IL1RAP: variants seen among roughly 807,000 people sequenced by gnomAD.
IL1RAP encodes interleukin-1 receptor accessory protein.
IL1RAP carries 35 observed loss-of-function variants against 60.7 expected under a neutral mutation model. The observed-to-expected ratio is 0.58, with a 90% confidence interval of 0.44 to 0.76. The LOEUF (loss-of-function observed/expected upper bound fraction) is 0.76, where lower values mean the gene tolerates loss of function less well. Among genes scored for constraint, IL1RAP ranks in the 30% least tolerant of loss-of-function variants. The probability of loss-of-function intolerance (pLI) is 0.00; values close to 1 mark genes in which losing one functional copy is unlikely to be tolerated. For synonymous variants in IL1RAP, 268 were observed against 250.9 expected (o/e 1.07, Z -0.64); for missense variants, 572 against 693.9 (o/e 0.82, Z 1.97).
chr3:190,592,208 CAG>C (rs1454316414), intron 3 of IL1RAP, among the ~76,000 whole-genome samples: 1 of 152,164 alleles, frequency 6.6e-6, no homozygotes, highest in African/African-American at 2.4e-5. Flanking sequence ...TTAGTAGAGA[CAG>C]GGTTTCGCCA....
rs945330965 is a variant in IL1RAP at position 190,624,161 on chromosome 3, A to T, written c.775+746A>T. ...GAATTGCAGATAGCAATCCAGGAAT[A>T]TGAGTGCTATGGCATCCCATGCGGG... is the stretch of plus-strand genomic sequence containing the variant. On this transcript the variant is annotated intron_variant, in intron 7 of 11. Transcript: ENST00000447382. Among the ~76,000 whole-genome samples, 4 of 152,252 alleles carry T rather than the reference A, an allele frequency of 2.6e-5. No homozygotes were observed. In the East Asian group the frequency reaches 5.8e-4, roughly 22 times the overall value.
At chr3:190,564,405 A>G (rs1275053826) in intron 3 of IL1RAP, 52 bp downstream of exon 3, 1 of 1,123,468 alleles carries the variant, frequency 8.9e-7, no homozygotes. Flanking sequence ...TGCGTAGGGT[A>G]ATGAGTCCAC....
At chr3:190,559,153 T>G (rs1259995083) in intron 2 of IL1RAP, among the ~76,000 whole-genome samples, 1 of 152,226 alleles carries the variant, frequency 6.6e-6, no homozygotes, top group Non-Finnish European at 1.5e-5. Context: ...CCATTTTATC[T>G]AAGTTGTGGA....
At chr3:190,527,802 G>C (rs1293277023) in intron 1 of IL1RAP, among the ~76,000 whole-genome samples, 1 of 132,180 alleles carries the variant, frequency 7.6e-6, no homozygotes, top group Non-Finnish European at 1.6e-5. Flanking sequence ...GACACTATTT[G>C]ATAAATTATT....
In IL1RAP at chr3:190,612,301, G is replaced by A. The variant is rs144261203; in HGVS notation, c.537+3120G>A. On this transcript the variant is annotated intron_variant, in intron 5 of 11. Coordinates refer to ENST00000447382, the MANE Select transcript of IL1RAP (RefSeq NM_002182.4). ...TATTAACAGTTTTACATCAATAAGT[G>A]TAATATACCTTCCAGTTAAAAAAAA... Among the ~76,000 whole-genome samples the A allele has an allele frequency of 1.1e-3, 166 of 152,036 alleles. 1 individual carries two copies. In the East Asian group the frequency reaches 0.015, roughly 13 times the overall value.
At chr3:190,652,440 G>A (rs1399649739), downstream of IL1RAP, among the ~76,000 whole-genome samples, 1 of 150,006 alleles carries the variant, frequency 6.7e-6, no homozygotes, top group East Asian at 2.0e-4. Context: ...CCAGCCTGGC[G>A]ACAGAGCGAG....
chr3:190,628,546 GA>G (rs771559782), intron 8 of IL1RAP, among the ~76,000 whole-genome samples: 5 of 152,186 alleles, frequency 3.3e-5, no homozygotes, highest in African/African-American at 1.2e-4. Flanking sequence ...TTTTCTCTGC[GA>G]TAAGTAAAGG....
chr3:190,521,377 A>G (rs1410090159), intron 1 of IL1RAP, among the ~76,000 whole-genome samples: 4 of 151,998 alleles, frequency 2.6e-5, no homozygotes, highest in Non-Finnish European at 5.9e-5. Flanking sequence ...CAAAGGGGCT[A>G]CATATTTACT....
intron 3 of IL1RAP, among the ~76,000 whole-genome samples, chr3:190,585,197 A>T (rs544386893): frequency 6.6e-6 from 1 of 152,110 alleles, no homozygotes; most frequent in East Asian, 1.9e-4. Context: ...ATTATCTTTG[A>T]TGATGATGGG....
intron 5 of IL1RAP, among the ~76,000 whole-genome samples, chr3:190,617,393 C>A (rs1486266970): frequency 6.6e-6 from 1 of 152,168 alleles, no homozygotes; most frequent in Non-Finnish European, 1.5e-5. Context: ...AAAGTCATTT[C>A]TTGTGTTGTT....
At chr3:190,546,475 A>C (rs1426309318) in intron 1 of IL1RAP, among the ~76,000 whole-genome samples, 1 of 152,228 alleles carries the variant, frequency 6.6e-6, no homozygotes, top group East Asian at 1.9e-4. Context: ...TGTTGCTTGG[A>C]CTGATTTGTA....
At chr3:190,628,716 A>G (rs1732522354) in intron 8 of IL1RAP, among the ~76,000 whole-genome samples, 3 of 152,336 alleles carry the variant, frequency 2.0e-5, no homozygotes, top group Admixed American at 2.0e-4. Context: ...ATTTCTGACC[A>G]CAGTATTCTA....
chr3:190,589,782 C>T (rs1320508767), intron 3 of IL1RAP, among the ~76,000 whole-genome samples: 5 of 152,190 alleles, frequency 3.3e-5, no homozygotes, highest in African/African-American at 1.2e-4. Context: ...AAGTGTAAGA[C>T]ATGGTGTTGA....
intron 6 of IL1RAP, 106 bp downstream of exon 6, chr3:190,620,546 T>C (rs1358985533): frequency 1.9e-6 from 2 of 1,030,312 alleles, no homozygotes; most frequent in African/African-American, 3.3e-5. Flanking sequence ...AGAAAAGTGA[T>C]TCATGTTTTT....
intron 1 of IL1RAP, among the ~76,000 whole-genome samples, chr3:190,542,898 T>C (rs1724060065): frequency 7.5e-6 from 1 of 133,920 alleles, no homozygotes; most frequent in Non-Finnish European, 1.5e-5. Flanking sequence ...TTTTTTTTTT[T>C]TGGCTAGCAT....
intron 1 of IL1RAP, among the ~76,000 whole-genome samples, chr3:190,521,000 T>G (rs1369569811): frequency 6.6e-6 from 1 of 152,218 alleles, no homozygotes; most frequent in Non-Finnish European, 1.5e-5. Context: ...GCCGAATTAT[T>G]TGGTCTATCT....
At chr3:190,631,703 T>C (rs768862991) in intron 9 of IL1RAP, among the ~76,000 whole-genome samples, 1 of 152,214 alleles carries the variant, frequency 6.6e-6, no homozygotes, top group Non-Finnish European at 1.5e-5. Context: ...AAGACACTGG[T>C]GTAGGTCTTA....
Position 190,604,506 on chromosome 3 carries a change from C to T in IL1RAP, c.350+93C>T, listed in dbSNP as rs190074621. Reference sequence around the variant, plus strand: ...GTGTGCTAGGAAGCTGGGGAGAAGTCGGAAGCATTTAGATAGAGTTTAGTG... The same window carrying T: ...GTGTGCTAGGAAGCTGGGGAGAAGTTGGAAGCATTTAGATAGAGTTTAGTG... On this transcript the variant is annotated intron_variant, in intron 4 of 11. Coordinates refer to ENST00000447382, the MANE Select transcript of IL1RAP (RefSeq NM_002182.4). 23 of 1,325,368 alleles carry T rather than the reference C, an allele frequency of 1.7e-5. No homozygotes were observed. In the East Asian group the frequency reaches 4.7e-4, roughly 27 times the overall value. 82.1% of individuals were successfully genotyped at this position (1,325,368 alleles called of 1,614,324 possible).
chr3:190,555,303 TCTCTA>T (rs762823455), intron 1 of IL1RAP, among the ~76,000 whole-genome samples: 1 of 100,550 alleles, frequency 9.9e-6, no homozygotes, highest in African/African-American at 4.7e-5. Context: ...TCCTCCCTCC[TCTCTA>T]CTCCGCTTCC....
Sources: allele counts gnomAD v4.1 joint callset (sites outside exome capture counted in the v4.1 genomes callset), GRCh38; gene constraint gnomAD v4.1.1; transcripts MANE v1.5; gene names NCBI Gene and HGNC (gene_info 2026-07-23, HGNC 2026-07-21).